Variants in IL16 observed in about 807,000 individuals in gnomAD.
IL16 encodes interleukin 16, also known as pro-interleukin-16.
Under a neutral mutation model 110.1 loss-of-function variants are expected in IL16, and 67 were observed. That is an observed-to-expected ratio of 0.61 (90% CI 0.50 to 0.75). The LOEUF (loss-of-function observed/expected upper bound fraction) is 0.75, where lower values mean the gene tolerates loss of function less well. IL16 is among the 30% of genes least tolerant of loss of function. The probability of loss-of-function intolerance (pLI) is 0.00; values close to 1 mark genes in which losing one functional copy is unlikely to be tolerated. For synonymous variants in IL16, 689 were observed against 662.9 expected, an observed-to-expected ratio of 1.04 and a Z score of -0.61; for missense variants, 1,545 against 1,655.0, an observed-to-expected ratio of 0.93 and a Z score of 1.15.
chr15:81,280,248 A>G (rs961301386), intron 8 of IL16, among the ~76,000 whole-genome samples: 1 of 152,164 alleles, frequency 6.6e-6, no homozygotes, highest in African/African-American at 2.4e-5. Context: ...CTCTGCCTGA[A>G]TGCAACCGAA....
rs138256014 is a variant in IL16 at position 81,211,397 on chromosome 15, A to G, written c.-101-13902A>G. ...CTCCCAAGTAGCTGGGATTACAGGC[A>G]TGCACCACCATGCTCAGCTAATTTT... On this transcript the variant is annotated intron_variant, in intron 1 of 18. Transcript: ENST00000683961. Among the ~76,000 whole-genome samples the G allele has an allele frequency of 1.6e-4, 25 of 152,196 alleles. No homozygotes were observed. The East Asian group carries it at 3.9e-3, about 24-fold the overall frequency.
rs889145206 is a variant in IL16 at position 81,308,809 on chromosome 15, C to G, written c.*11C>G. The G allele has an allele frequency of 1.4e-5, 22 of 1,604,678 alleles. No homozygotes were observed. Among genetic ancestry groups the G allele is most frequent in the Non-Finnish European group, 1.9e-5 (22 of 1,176,322 alleles). On this transcript the variant is annotated 3_prime_UTR_variant, in exon 19 of 19. Coordinates refer to ENST00000683961, the MANE Select transcript of IL16 (RefSeq NM_172217.5). ...GCTGGAGACTCCTAGGCAGGACATG[C>G]TGAAGCCAAAGCCAATAACACACAG...
chr15:81,220,446 T>G (rs964526022), intron 1 of IL16, among the ~76,000 whole-genome samples: 2 of 152,232 alleles, frequency 1.3e-5, no homozygotes, highest in Admixed American at 6.5e-5. Flanking sequence ...TGAGCCACTG[T>G]ACCCCACCTA....
At chr15:81,281,446 A>C (rs911128773) in intron 8 of IL16, among the ~76,000 whole-genome samples, 2 of 152,120 alleles carry the variant, frequency 1.3e-5, no homozygotes. Flanking sequence ...CACCACCTAC[A>C]TGCAGCTACG....
At chr15:81,213,277 T>C (rs1209868457) in intron 1 of IL16, among the ~76,000 whole-genome samples, 2 of 152,218 alleles carry the variant, frequency 1.3e-5, no homozygotes, top group African/African-American at 2.4e-5. Flanking sequence ...AATAACTTAT[T>C]TGAAGTTATT....
intron 1 of IL16, 50 bp from the exon 2 acceptor site, chr15:81,225,249 C>T (rs1896747455): frequency 7.0e-7 from 1 of 1,435,324 alleles, no homozygotes; most frequent in African/African-American, 1.4e-5. Flanking sequence ...TGCAGCTCCA[C>T]TTGTCAGCAG....
In IL16 at chr15:81,282,789, C is replaced by T. The variant is rs369305349; in HGVS notation, c.1199+33C>T. The T allele has an allele frequency of 2.6e-5, 36 of 1,398,660 alleles. No individual in the cohort carries two copies. The African/African-American group carries it at 4.7e-4, about 18-fold the overall frequency. 86.6% of individuals were successfully genotyped at this position (1,398,660 alleles called of 1,614,324 possible). On this transcript the variant is annotated intron_variant, in intron 9 of 18. Transcript: ENST00000683961. The stretch of plus-strand genomic sequence containing the variant: ...CTCACTTCTGTTTCTGAATATACCC[C>T]CGACTTACAACCAGGAAAGAAATAC...
chr15:81,216,820 A>C (rs1896451671), intron 1 of IL16, among the ~76,000 whole-genome samples: 1 of 152,152 alleles, frequency 6.6e-6, no homozygotes. Context: ...ACAGCCTTGC[A>C]GCCAAGCCTC....
intron 12 of IL16, 70 bp downstream of exon 12, chr15:81,293,107 C>A: frequency 6.7e-7 from 1 of 1,495,390 alleles, no homozygotes; most frequent in South Asian, 1.3e-5. Flanking sequence ...GGCAAATTAG[C>A]AAGTTAGTGT....
chr15:81,304,884 C>A (rs967343401), intron 16 of IL16, among the ~76,000 whole-genome samples: 2 of 152,156 alleles, frequency 1.3e-5, no homozygotes, highest in African/African-American at 4.8e-5. Context: ...CTACAGGTAC[C>A]ACATTTTAGT....
intron 2 of IL16, among the ~76,000 whole-genome samples, chr15:81,241,776 A>T (rs764709214): frequency 6.6e-6 from 1 of 152,080 alleles, no homozygotes; most frequent in Non-Finnish European, 1.5e-5. Context: ...CAGCCAGTAT[A>T]TAGAATATTT....
rs757407392 is a variant in IL16, at chr15:81,293,018, C to T, written c.1883C>T (p.Thr628Ile). 5.0e-6 allele frequency: 8 copies of T among 1,608,078 alleles called. No homozygotes were observed. In the South Asian group the frequency reaches 7.7e-5, roughly 15 times the overall value. Residue 628 changes from threonine to isoleucine, a missense_variant, in exon 12 of 19, where the codon ACC becomes ATC. Physicochemically the swap from Thr to Ile is moderately conservative, Grantham distance 89. This residue lies in a region of IL16 where 1,185 missense variants were observed against 1,238.8 expected (regional missense o/e 0.96). Transcript: ENST00000683961. ...AACTCCTCATGCTCTTCTGGGCACA[C>T]CCCACCCACCTGTGGCCAGGTAAGA... ...RENSSCSSGH[T>I]PPTCGQEARE...
intron 4 of IL16, among the ~76,000 whole-genome samples, chr15:81,266,249 G>A (rs1177478602): frequency 1.3e-5 from 2 of 152,220 alleles, no homozygotes; most frequent in African/African-American, 4.8e-5. Flanking sequence ...TGACTCTGAA[G>A]CCTGTGCGAA....
At chr15:81,261,194 T>C (rs1898138809) in intron 3 of IL16, among the ~76,000 whole-genome samples, 2 of 152,222 alleles carry the variant, frequency 1.3e-5, no homozygotes, top group South Asian at 4.1e-4. Context: ...AAAGGCACGA[T>C]TGCTGTTCAA....
chr15:81,199,193 C>A (rs1290812739), intron 1 of IL16, among the ~76,000 whole-genome samples: 7 of 151,860 alleles, frequency 4.6e-5, no homozygotes, highest in Non-Finnish European at 8.8e-5. Flanking sequence ...AGGCATGGGG[C>A]AAAATAAACA....
At chr15:81,196,870 A>G (rs1895612164), upstream of IL16, 5 of 1,155,966 alleles carry the variant, frequency 4.3e-6, no homozygotes, top group Non-Finnish European at 4.3e-6. Flanking sequence ...AATCCATGCC[A>G]GGTGGGACAC....
intron 2 of IL16, among the ~76,000 whole-genome samples, chr15:81,235,938 T>C (rs74030040): frequency 0.012 from 1,853 of 152,270 alleles, 29 homozygotes; most frequent in Middle Eastern, 0.044. Flanking sequence ...GGACACTCGA[T>C]CTGGAAGAAG....
At chr15:81,271,516 C>G (rs912994531) in intron 5 of IL16, among the ~76,000 whole-genome samples, 1 of 151,990 alleles carries the variant, frequency 6.6e-6, no homozygotes, top group Non-Finnish European at 1.5e-5. Flanking sequence ...GATATGGAGA[C>G]GGGGGACCTG....
intron 2 of IL16, among the ~76,000 whole-genome samples, chr15:81,241,069 G>A (rs28762691): frequency 0.028 from 4,283 of 152,110 alleles, 209 homozygotes; most frequent in African/African-American, 0.099. Flanking sequence ...TTTCCCCACA[G>A]ATCTAAAGTA....
Sources: allele counts gnomAD v4.1 joint callset (sites outside exome capture counted in the v4.1 genomes callset), GRCh38; gene constraint gnomAD v4.1.1; regional missense constraint gnomAD v4.1.1; transcripts MANE v1.5; gene names NCBI Gene and HGNC (gene_info 2026-07-23, HGNC 2026-07-21).